Variants in SORCS3 observed in about 807,000 individuals in gnomAD.
SORCS3 encodes the protein VPS10 domain-containing receptor SorCS3.
SORCS3 carries 57 observed loss-of-function variants against 146.3 expected under a neutral mutation model. The ratio of observed to expected loss-of-function variants is 0.39; its 90% confidence interval spans 0.31 to 0.49. The LOEUF (loss-of-function observed/expected upper bound fraction) is 0.49. SORCS3 is among the 20% of genes least tolerant of loss of function. SORCS3 has a pLI of 0.92. For missense variants in SORCS3, 1,341 were observed against 1,575.5 expected, an observed-to-expected ratio of 0.85 and a Z score of 2.52; for synonymous variants, 653 against 618.5, an observed-to-expected ratio of 1.06 and a Z score of -0.83.
At chr10:104,703,675 T>C (rs1305880834) in intron 1 of SORCS3, among the ~76,000 whole-genome samples, 1 of 149,030 alleles carries the variant, frequency 6.7e-6, no homozygotes, top group Non-Finnish European at 1.5e-5. Context: ...CACGTATACC[T>C]ATGTAACAAA....
chr10:105,062,351 A>C (rs1424226185), intron 5 of SORCS3, among the ~76,000 whole-genome samples: 1 of 152,128 alleles, frequency 6.6e-6, no homozygotes, highest in Non-Finnish European at 1.5e-5. Flanking sequence ...CAGTTTCTTC[A>C]TTGAAAAAAC....
chr10:104,921,984 C>T (rs1019600105), intron 3 of SORCS3, among the ~76,000 whole-genome samples: 2 of 152,104 alleles, frequency 1.3e-5, no homozygotes, highest in Non-Finnish European at 2.9e-5. Flanking sequence ...TTCAGGCTAC[C>T]CTGCAGAAAT....
intron 22 of SORCS3, among the ~76,000 whole-genome samples, chr10:105,250,119 G>A (rs1289483253): frequency 6.6e-6 from 1 of 152,086 alleles, no homozygotes; most frequent in African/African-American, 2.4e-5. Flanking sequence ...TTCTTGCTGT[G>A]TCTTCACATG....
At chr10:104,881,026 C>T (rs2018625198) in intron 2 of SORCS3, among the ~76,000 whole-genome samples, 1 of 152,150 alleles carries the variant, frequency 6.6e-6, no homozygotes, top group African/African-American at 2.4e-5. Context: ...GGAATCAAAA[C>T]TATGATTATT....
At chr10:104,821,061 C>T (rs541908608) in intron 1 of SORCS3, among the ~76,000 whole-genome samples, 7 of 152,262 alleles carry the variant, frequency 4.6e-5, no homozygotes, top group African/African-American at 1.4e-4. Flanking sequence ...ATGATGATGT[C>T]GTCAAAGACT....
intron 21 of SORCS3, among the ~76,000 whole-genome samples, chr10:105,245,888 G>T (rs2056863317): frequency 6.6e-6 from 1 of 152,312 alleles, no homozygotes; most frequent in Admixed American, 6.5e-5. Context: ...GTCTGCCTCA[G>T]AACTTGTTTG....
chr10:105,020,971 G>A (rs1027944839), intron 4 of SORCS3, among the ~76,000 whole-genome samples: 3 of 152,106 alleles, frequency 2.0e-5, no homozygotes, highest in Admixed American at 6.6e-5. Context: ...CCCTCTTCTT[G>A]GAGATCATAT....
chr10:104,850,584 A>C (rs1416150367), intron 2 of SORCS3, among the ~76,000 whole-genome samples: 1 of 152,180 alleles, frequency 6.6e-6, no homozygotes, highest in Non-Finnish European at 1.5e-5. Flanking sequence ...ACCCTGTCTC[A>C]AAAAGAAAAT....
intron 4 of SORCS3, among the ~76,000 whole-genome samples, chr10:105,041,256 G>A (rs1589605652): frequency 6.7e-6 from 1 of 148,756 alleles, no homozygotes; most frequent in South Asian, 2.1e-4. Context: ...GACCAATTGG[G>A]ATCTGTCTCC....
intron 1 of SORCS3, among the ~76,000 whole-genome samples, chr10:104,756,671 A>C (rs999807980): frequency 6.6e-6 from 1 of 152,204 alleles, no homozygotes; most frequent in Non-Finnish European, 1.5e-5. Context: ...CTGGAAGAGC[A>C]TGCAGAATGG....
chr10:104,899,081 A>T (rs2018826304), intron 2 of SORCS3, among the ~76,000 whole-genome samples: 1 of 152,210 alleles, frequency 6.6e-6, no homozygotes, highest in African/African-American at 2.4e-5. Context: ...TGTTTATACC[A>T]TAGGGACTCA....
chr10:105,257,022 T>G (rs1456338374), intron 25 of SORCS3, 98 bp downstream of exon 25: 2 of 849,658 alleles, frequency 2.4e-6, no homozygotes, highest in Non-Finnish European at 1.9e-6. Context: ...AAGAATGTGA[T>G]TTTTAATTCT....
chr10:104,988,289 C>G (rs2054973928), intron 4 of SORCS3, among the ~76,000 whole-genome samples: 1 of 152,128 alleles, frequency 6.6e-6, no homozygotes, highest in South Asian at 2.1e-4. Context: ...CGCTGAACCC[C>G]AGCTCCAGAG....
At chr10:104,973,024 C>G (rs1185845176) in intron 3 of SORCS3, among the ~76,000 whole-genome samples, 1 of 152,142 alleles carries the variant, frequency 6.6e-6, no homozygotes, top group Non-Finnish European at 1.5e-5. Context: ...TTGAACCAGC[C>G]TTGCATTCCA....
In SORCS3 at chr10:104,662,793, A is replaced by C. The variant is rs1360111818; in HGVS notation, c.627+20839A>C. Among the ~76,000 whole-genome samples the C allele has an allele frequency of 2.6e-5, 4 of 152,222 alleles. No individual in the cohort carries two copies. The South Asian group carries it at 8.3e-4, about 32-fold the overall frequency. On this transcript the variant is annotated intron_variant, in intron 1 of 26. Coordinates refer to ENST00000369701, the MANE Select transcript of SORCS3 (RefSeq NM_014978.3). Reference sequence around the variant, plus strand: ...GTTTTTCGGAACTAGGAGAGTCAGGAAGAGATGGGTCCAGATCACACAGGC... The same window carrying C: ...GTTTTTCGGAACTAGGAGAGTCAGGCAGAGATGGGTCCAGATCACACAGGC...
At chr10:105,078,971 T>A (rs570202776) in intron 5 of SORCS3, among the ~76,000 whole-genome samples, 1 of 152,276 alleles carries the variant, frequency 6.6e-6, no homozygotes, top group African/African-American at 2.4e-5. Flanking sequence ...CTCTAATAAA[T>A]GATTCTCAGC....
At chr10:104,787,999 G>A (rs2017457601) in intron 1 of SORCS3, among the ~76,000 whole-genome samples, 1 of 152,152 alleles carries the variant, frequency 6.6e-6, no homozygotes, top group Non-Finnish European at 1.5e-5. Flanking sequence ...CCTCCTTCCA[G>A]CTCCTGTGTC....
chr10:104,796,375 C>T (rs563686147), intron 1 of SORCS3, among the ~76,000 whole-genome samples: 2 of 151,798 alleles, frequency 1.3e-5, no homozygotes, highest in Non-Finnish European at 2.9e-5. Flanking sequence ...TTTAGGATAT[C>T]AAGGAGAAAA....
chr10:104,791,655 T>C (rs1024379812), intron 1 of SORCS3, among the ~76,000 whole-genome samples: 13 of 152,186 alleles, frequency 8.5e-5, no homozygotes, highest in African/African-American at 3.1e-4. Flanking sequence ...TAAGGATGCC[T>C]TTAGCCCTCA....
Sources: allele counts gnomAD v4.1 joint callset (sites outside exome capture counted in the v4.1 genomes callset), GRCh38; gene constraint gnomAD v4.1.1; transcripts MANE v1.5; gene names NCBI Gene and HGNC (gene_info 2026-07-23, HGNC 2026-07-21).